The following TMEM222 variants were observed in gnomAD, a reference collection of about 807,000 sequenced individuals.
TMEM222 encodes the protein chromosome 1 open reading frame 160.
In TMEM222, 18 loss-of-function variants were observed where a neutral mutation model predicts 25.1. The ratio of observed to expected loss-of-function variants is 0.72; its 90% CI spans 0.50 to 1.06. The LOEUF (loss-of-function observed/expected upper bound fraction) is 1.06, where lower values mean the gene tolerates loss of function less well. Among genes scored for constraint, TMEM222 ranks in the 50% least tolerant of loss-of-function variants. The pLI, the probability that TMEM222 is intolerant of heterozygous loss-of-function variation, is 0.00. For synonymous variants in TMEM222, 131 were observed against 117.9 expected (o/e 1.11, Z -0.72); for missense variants, 296 against 293.7 (o/e 1.01, Z -0.06).
Position 27,332,094 on chromosome 1 carries a change from C to A in TMEM222, c.304C>A (p.Pro102Thr). Residue 102 changes from proline (P) to threonine (T), a missense_variant, in exon 3 of 6, where the codon CCT (proline) becomes ACT (threonine). Coordinates refer to ENST00000374076, the MANE Select transcript of TMEM222 (RefSeq NM_032125.3). ...GGAGGACAACATGGCCTTTGGAAAG[C>A]CTGCCAAGTAAGTGATGAACACCCA... ...VSEDNMAFGK[P>T]AKYWKLDPAQ... The A allele has an allele frequency of 6.2e-7, 1 of 1,614,266 alleles. No individual in the cohort carries two copies. Among genetic ancestry groups the A allele is most frequent in the Non-Finnish European group, 8.5e-7 (1 of 1,180,042 alleles).
chr1:27,332,901 C>A, intron 3 of TMEM222: 1 of 291,696 alleles, frequency 3.4e-6, no homozygotes, highest in South Asian at 3.5e-5. Flanking sequence ...CCTAAGCGGC[C>A]CCAGTCCAGG....
At chr1:27,333,255 T>A in intron 3 of TMEM222, 1 of 459,358 alleles carries the variant, frequency 2.2e-6, no homozygotes, top group Non-Finnish European at 4.5e-6. Flanking sequence ...TGGGACATGC[T>A]GCACAGTTTT....
intron 5 of TMEM222, chr1:27,334,794 A>T (rs2148019584): frequency 9.0e-7 from 1 of 1,113,706 alleles, no homozygotes; most frequent in Non-Finnish European, 1.1e-6. Context: ...CTTTCCTCTT[A>T]GCCACGTTCA....
intron 1 of TMEM222, chr1:27,325,499 C>A: frequency 6.8e-7 from 1 of 1,464,570 alleles, no homozygotes; most frequent in Non-Finnish European, 9.6e-7. Flanking sequence ...TCCACGAGAC[C>A]ACGTTCAACT....
intron 1 of TMEM222, among the ~76,000 whole-genome samples, chr1:27,327,450 G>A (rs991102365): frequency 2.0e-5 from 3 of 152,128 alleles, no homozygotes; most frequent in Non-Finnish European, 2.9e-5. Context: ...ATGCAGTGGC[G>A]TGATCTCAGC....
chr1:27,325,450 T>C, intron 1 of TMEM222: 3 of 1,294,322 alleles, frequency 2.3e-6, no homozygotes, highest in African/African-American at 1.5e-5. Context: ...CCGGAGGCGC[T>C]GTTCCAGCCT....
Position 27,334,208 on chromosome 1 carries a change from C to A in TMEM222, c.466C>A (p.Arg156Ser). Residue 156 changes from arginine (R) to serine (S), a missense_variant, in exon 5 of 6, where the codon CGC becomes AGC. By Grantham distance (110) the Arg-to-Ser change is moderately radical. Transcript: ENST00000374076. The part of the protein sequence containing the change: ...SHVALALNLM[R>S]YNNSTNWNMV... ...CGTGGCATTGGCCCTGAATCTGATG[C>A]GCTACAACAACAGCACCAACTGGAA... The A allele has an allele frequency of 6.2e-7, 1 of 1,614,182 alleles. No homozygotes were observed. Among genetic ancestry groups the A allele is most frequent in the Admixed American group, 1.7e-5 (1 of 60,026 alleles).
chr1:27,324,191 G>C (rs1238517367), intron 1 of TMEM222, among the ~76,000 whole-genome samples: 1 of 152,172 alleles, frequency 6.6e-6, no homozygotes, highest in Admixed American at 6.5e-5. Context: ...CGGGGTGGTG[G>C]CACATGCCTG....
intron 3 of TMEM222, 128 bp downstream of exon 3, chr1:27,332,229 C>A: frequency 1.8e-6 from 2 of 1,127,094 alleles, no homozygotes; most frequent in South Asian, 2.5e-5. Flanking sequence ...GGGGAGAGGT[C>A]AGCCAGGGTC....
intron 1 of TMEM222, among the ~76,000 whole-genome samples, chr1:27,323,878 G>A (rs960226023): frequency 1.3e-5 from 2 of 152,198 alleles, no homozygotes; most frequent in Non-Finnish European, 2.9e-5. Context: ...ATAGTTCTAG[G>A]TGATGCGAAT....
chr1:27,334,983 C>T (rs1013089882), intron 5 of TMEM222: 4 of 325,494 alleles, frequency 1.2e-5, no homozygotes, highest in Middle Eastern at 1.1e-3. Flanking sequence ...CCCAGTAGTC[C>T]CCATTATGAA....
chr1:27,325,875 C>A (rs2014334600), intron 1 of TMEM222: 3 of 757,192 alleles, frequency 4.0e-6, no homozygotes, highest in East Asian at 4.9e-5. Context: ...AATGCATATA[C>A]CTCATGCTAG....
intron 1 of TMEM222, chr1:27,325,466 C>G: frequency 7.2e-7 from 1 of 1,385,058 alleles, no homozygotes; most frequent in South Asian, 1.2e-5. Context: ...AGCCTTCCTT[C>G]CTGGGTATGG....
At chr1:27,335,326 A>G (rs1470345615) in intron 5 of TMEM222, 53 bp from the exon 6 acceptor site, 2 of 1,574,136 alleles carry the variant, frequency 1.3e-6, no homozygotes, top group African/African-American at 2.7e-5. Context: ...TGCGGGCCGC[A>G]TGCCTGCTCA....
chr1:27,324,485 C>T, intron 1 of TMEM222, among the ~76,000 whole-genome samples: 1 of 152,194 alleles, frequency 6.6e-6, no homozygotes, highest in African/African-American at 2.4e-5. Context: ...GGTGGAGGCA[C>T]CACAATCCCT....
chr1:27,334,188 C>T lies in TMEM222; in HGVS notation c.446C>T (p.Ala149Val), dbSNP rs761707808. ...LCCDNCHSHV[A>V]LALNLMRYNN... ...TGTGACAACTGCCACTCGCACGTGG[C>T]ATTGGCCCTGAATCTGATGCGCTAC... The change falls in exon 5 of 6, where the codon GCA (alanine) becomes GTA (valine). Residue 149 changes from alanine (A) to valine (V), a missense_variant. By Grantham distance (64) the Ala-to-Val change is moderately conservative. Transcript: ENST00000374076. 1.2e-6 allele frequency: 2 copies of T among 1,614,222 alleles called. No individual in the cohort carries two copies. The highest frequency in any genetic ancestry group is 1.7e-6 in the Non-Finnish European group (2 of 1,180,040).
intron 1 of TMEM222, among the ~76,000 whole-genome samples, chr1:27,326,620 G>A (rs2014357383): frequency 6.6e-6 from 1 of 152,118 alleles, no homozygotes; most frequent in Admixed American, 6.5e-5. Context: ...AACATTGTAT[G>A]TTCACTCACT....
chr1:27,332,474 A>T, intron 3 of TMEM222: 1 of 718,190 alleles, frequency 1.4e-6, no homozygotes, highest in Non-Finnish European at 2.6e-6. Context: ...TTGGGAACAA[A>T]TGAGGCATGG....
In TMEM222 at chr1:27,330,916, C is replaced by T. The variant is rs887708560; in HGVS notation, c.279+112C>T. 1.6e-5 allele frequency: 25 copies of T among 1,579,852 alleles called. No homozygotes were observed. In the East Asian group the frequency reaches 3.1e-4, roughly 20 times the overall value. ...CAGACCCAGGAGAACGTAGATAACC[C>T]GCAGTCCTGGCCCTGGCCCTCTGCC... On this transcript the variant is annotated intron_variant, in intron 2 of 5. Transcript: ENST00000374076.
Sources: allele counts gnomAD v4.1 joint callset (sites outside exome capture counted in the v4.1 genomes callset), GRCh38; gene constraint gnomAD v4.1.1; transcripts MANE v1.5; gene names NCBI Gene and HGNC (gene_info 2026-07-23, HGNC 2026-07-21).